The following GLIPR1L2 variants were observed in gnomAD, a reference collection of about 807,000 sequenced individuals.
GLIPR1L2 encodes GLIPR1 like 2.
In GLIPR1L2, 21 loss-of-function variants were observed where a neutral mutation model predicts 28.4. The observed-to-expected ratio is 0.74, with a 90% CI of 0.52 to 1.06. The LOEUF is 1.06. GLIPR1L2 is among the 50% of genes least tolerant of loss of function. The pLI is 0.00. For missense variants in GLIPR1L2, 476 were observed against 416.9 expected (o/e 1.14, Z -1.23); for synonymous variants, 145 against 139.3 (o/e 1.04, Z -0.29).
chr12:75,427,455 T>G (rs975589205), intron 4 of GLIPR1L2, among the ~76,000 whole-genome samples: 1 of 152,142 alleles, frequency 6.6e-6, no homozygotes, highest in African/African-American at 2.4e-5. Context: ...ACGGCAAAGA[T>G]CCAAAGGAAG....
chr12:75,426,249 A>C (rs1484659552), intron 4 of GLIPR1L2, among the ~76,000 whole-genome samples: 1 of 152,234 alleles, frequency 6.6e-6, no homozygotes, highest in Non-Finnish European at 1.5e-5. Flanking sequence ...CATCCAAGCA[A>C]AAATGTAAGA....
chr12:75,411,866 A>T (rs1233340867), intron 2 of GLIPR1L2, among the ~76,000 whole-genome samples: 1 of 152,002 alleles, frequency 6.6e-6, no homozygotes, highest in African/African-American at 2.4e-5. Context: ...ACAAAACAGT[A>T]CTTTTTGGTT....
At chr12:75,417,114 A>G (rs1030183453) in intron 3 of GLIPR1L2, among the ~76,000 whole-genome samples, 5 of 152,078 alleles carry the variant, frequency 3.3e-5, no homozygotes, top group Non-Finnish European at 4.4e-5. Flanking sequence ...AAAAGTGTGA[A>G]TATTACCTAA....
At chr12:75,423,526 A>G in intron 4 of GLIPR1L2, 4 of 737,806 alleles carry the variant, frequency 5.4e-6, no homozygotes, top group Non-Finnish European at 6.6e-6. Context: ...TTAGAGGAAT[A>G]TGGTAGGAGA....
intron 4 of GLIPR1L2, 83 bp from the exon 5 acceptor site, chr12:75,430,632 A>G: frequency 7.9e-7 from 1 of 1,262,536 alleles, no homozygotes; most frequent in South Asian, 1.4e-5. Flanking sequence ...GGAGAAAGTG[A>G]CACTATTATT....
In GLIPR1L2 at chr12:75,431,196, T is replaced by G. The variant is rs1266006066; in HGVS notation, c.*35T>G. 5.2e-6 allele frequency: 3 copies of G among 572,316 alleles called. No individual in the cohort carries two copies. The highest frequency in any genetic ancestry group is 3.2e-5 in the Admixed American group (1 of 31,650). The allele number at this position is 572,316 out of a possible 1,614,324, so 35.5% of individuals were successfully genotyped here. On this transcript the variant is annotated 3_prime_UTR_variant, in exon 6 of 6. Transcript: ENST00000550916. ...GAGGAGGAAAAAGATGTATCACCAA[T>G]ATAAACCAAAAGTGTAATACAAAAA... is the stretch of plus-strand genomic sequence containing the variant.
chr12:75,423,165 A>G (rs905915604), intron 4 of GLIPR1L2, 176 bp downstream of exon 4: 2 of 1,468,732 alleles, frequency 1.4e-6, no homozygotes, highest in East Asian at 2.5e-5. Flanking sequence ...TCTAAACTGC[A>G]GAGCTTTTTC....
intron 4 of GLIPR1L2, chr12:75,423,939 T>G (rs2046007135): frequency 6.6e-6 from 1 of 152,264 alleles, no homozygotes; most frequent in South Asian, 2.1e-4. Context: ...GGTGTATATG[T>G]GCCACACTTT....
intron 3 of GLIPR1L2, among the ~76,000 whole-genome samples, chr12:75,416,358 G>A (rs1360927895): frequency 2.6e-5 from 4 of 151,812 alleles, no homozygotes; most frequent in Non-Finnish European, 5.9e-5. Context: ...TGGTATAAAG[G>A]CCCTGAAGTG....
intron 1 of GLIPR1L2, among the ~76,000 whole-genome samples, chr12:75,392,323 C>T (rs1162136651): frequency 6.6e-6 from 1 of 152,124 alleles, no homozygotes; most frequent in African/African-American, 2.4e-5. Flanking sequence ...TCACCACATC[C>T]TCACTGATTT....
chr12:75,401,279 A>G (rs2045738705), intron 1 of GLIPR1L2, among the ~76,000 whole-genome samples: 1 of 151,596 alleles, frequency 6.6e-6, no homozygotes, highest in Non-Finnish European at 1.5e-5. Flanking sequence ...AAATAAAAAT[A>G]TGAATAAAAA....
intron 1 of GLIPR1L2, chr12:75,403,073 C>T: frequency 2.2e-6 from 1 of 457,208 alleles, no homozygotes; most frequent in Non-Finnish European, 4.4e-6. Flanking sequence ...TTCCAAACCT[C>T]TCACCCAGGA....
At chr12:75,393,084 T>C (rs2045648170) in intron 1 of GLIPR1L2, among the ~76,000 whole-genome samples, 1 of 152,116 alleles carries the variant, frequency 6.6e-6, no homozygotes, top group Non-Finnish European at 1.5e-5. Flanking sequence ...CAAAAGTTAA[T>C]ACCTGTAAAC....
chr12:75,430,253 G>A (rs2046078142), intron 4 of GLIPR1L2, among the ~76,000 whole-genome samples: 1 of 152,110 alleles, frequency 6.6e-6, no homozygotes, highest in Non-Finnish European at 1.5e-5. Context: ...CCAGGCTATA[G>A]AGCTAACTTT....
chr12:75,410,809 A>G (rs2045859558), intron 2 of GLIPR1L2, 130 bp downstream of exon 2: 4 of 685,952 alleles, frequency 5.8e-6, no homozygotes, highest in African/African-American at 3.7e-5. Context: ...CACAATTTTA[A>G]TCAATCTTCC....
chr12:75,397,102 C>G (rs2045689368), intron 1 of GLIPR1L2, among the ~76,000 whole-genome samples: 1 of 152,028 alleles, frequency 6.6e-6, no homozygotes, highest in African/African-American at 2.4e-5. Context: ...TTTTTCATTC[C>G]TTTTCTCCAC....
intron 3 of GLIPR1L2, among the ~76,000 whole-genome samples, chr12:75,417,169 T>C (rs1307916106): frequency 6.6e-6 from 1 of 152,074 alleles, no homozygotes; most frequent in African/African-American, 2.4e-5. Context: ...GAGGAGCTTA[T>C]TCTAGATTAT....
intron 1 of GLIPR1L2, among the ~76,000 whole-genome samples, chr12:75,405,893 A>G (rs1354012233): frequency 6.6e-6 from 1 of 152,158 alleles, no homozygotes; most frequent in Non-Finnish European, 1.5e-5. Flanking sequence ...GACATTTAAA[A>G]TTAAAAGTAC....
intron 2 of GLIPR1L2, among the ~76,000 whole-genome samples, chr12:75,413,229 AG>A (rs931054401): frequency 1.3e-5 from 2 of 151,808 alleles, no homozygotes; most frequent in Non-Finnish European, 2.9e-5. Flanking sequence ...TAGCATTAGG[AG>A]ATATACCTAA....
Sources: gnomAD v4.1 joint callset for allele counts (sites outside exome capture counted in the v4.1 genomes callset) on GRCh38, gnomAD v4.1.1 for gene constraint, MANE v1.5 for transcripts, NCBI Gene and HGNC (gene_info 2026-07-23, HGNC 2026-07-21) for gene names.